Variants in MECOM observed in about 807,000 individuals in gnomAD.
MECOM encodes MDS1 and EVI1 complex locus, also known as histone-lysine N-methyltransferase MECOM.
MECOM carries 13 observed loss-of-function variants against 116.3 expected under a neutral mutation model. That is an observed-to-expected ratio of 0.11 (90% CI 0.07 to 0.18). MECOM has a LOEUF of 0.18. Among genes scored for constraint, MECOM ranks in the 10% least tolerant of loss-of-function variants. The pLI is 1.00. For synonymous variants in MECOM, 528 were observed against 535.2 expected (o/e 0.99, Z 0.19); for missense variants, 1,299 against 1,509.0 (o/e 0.86, Z 2.31).
At chr3:169,455,872 C>T (rs941316161) in intron 1 of MECOM, among the ~76,000 whole-genome samples, 19 of 152,106 alleles carry the variant, frequency 1.2e-4, no homozygotes, top group Non-Finnish European at 2.4e-4. Flanking sequence ...ATTGGTTTGA[C>T]GTGGCTGCTG....
intron 2 of MECOM, among the ~76,000 whole-genome samples, chr3:169,164,746 TA>T (rs148630776): frequency 0.07 from 10,696 of 152,256 alleles, 474 homozygotes; most frequent in South Asian, 0.19. Flanking sequence ...ATTATGTCAT[TA>T]AACCATAATT....
At chr3:169,094,534 T>C (rs773216579) in intron 13 of MECOM, among the ~76,000 whole-genome samples, 9 of 152,230 alleles carry the variant, frequency 5.9e-5, no homozygotes, top group Non-Finnish European at 1.3e-4. Flanking sequence ...ATATAAGAAT[T>C]TGTGACAAAA....
chr3:169,584,485 A>T (rs1014851876), intron 1 of MECOM, among the ~76,000 whole-genome samples: 1 of 151,574 alleles, frequency 6.6e-6, no homozygotes, highest in Non-Finnish European at 1.5e-5. Context: ...GAATGGCGTG[A>T]ACCCAAGAGG....
At chr3:169,209,824 T>C (rs1281957502) in intron 2 of MECOM, among the ~76,000 whole-genome samples, 2 of 152,108 alleles carry the variant, frequency 1.3e-5, no homozygotes, top group African/African-American at 2.4e-5. Context: ...GAACCAGAAA[T>C]AGCATTTGAC....
At chr3:169,139,265 C>T (rs983583451) in intron 3 of MECOM, among the ~76,000 whole-genome samples, 1 of 152,062 alleles carries the variant, frequency 6.6e-6, no homozygotes, top group African/African-American at 2.4e-5. Context: ...TTTCTACTTA[C>T]TAAATACCAG....
intron 1 of MECOM, among the ~76,000 whole-genome samples, chr3:169,531,309 A>C (rs1758595364): frequency 6.6e-6 from 1 of 152,178 alleles, no homozygotes; most frequent in South Asian, 2.1e-4. Flanking sequence ...CTCTAGCATA[A>C]ACAAACCAAT....
intron 2 of MECOM, among the ~76,000 whole-genome samples, chr3:169,328,886 A>G (rs1428460168): frequency 1.3e-5 from 2 of 152,174 alleles, no homozygotes; most frequent in Admixed American, 6.5e-5. Context: ...ACATTATCTA[A>G]CCATGTTAAT....
chr3:169,500,410 AC>A (rs1754385539), intron 1 of MECOM, among the ~76,000 whole-genome samples: 1 of 151,986 alleles, frequency 6.6e-6, no homozygotes, highest in South Asian at 2.1e-4. Context: ...CATAGATGAA[AC>A]CTGTGTATGT....
intron 13 of MECOM, 63 bp downstream of exon 13, chr3:169,095,013 T>A: frequency 7.4e-7 from 1 of 1,343,596 alleles, no homozygotes. Context: ...TCACATTATC[T>A]TATTATCTTT....
intron 1 of MECOM, among the ~76,000 whole-genome samples, chr3:169,484,312 A>G (rs1378964061): frequency 1.3e-5 from 2 of 152,220 alleles, no homozygotes; most frequent in Non-Finnish European, 2.9e-5. Context: ...GATAAAGAAG[A>G]GGGCTAAAGA....
chr3:169,560,372 T>C (rs1006216667), intron 1 of MECOM, among the ~76,000 whole-genome samples: 1 of 152,182 alleles, frequency 6.6e-6, no homozygotes, highest in Non-Finnish European at 1.5e-5. Context: ...CTTAGACTTA[T>C]GCTGGACTCC....
At chr3:169,321,045 G>C (rs1288987847) in intron 2 of MECOM, among the ~76,000 whole-genome samples, 1 of 152,144 alleles carries the variant, frequency 6.6e-6, no homozygotes, top group Admixed American at 6.5e-5. Context: ...CTTCAAAGCT[G>C]GTGTGCTTCC....
intron 1 of MECOM, among the ~76,000 whole-genome samples, chr3:169,446,175 G>T (rs1744590925): frequency 6.6e-6 from 1 of 152,106 alleles, no homozygotes; most frequent in African/African-American, 2.4e-5. Flanking sequence ...GATTTGGAGG[G>T]GCCATGGGTG....
intron 1 of MECOM, among the ~76,000 whole-genome samples, chr3:169,455,444 T>C (rs937831936): frequency 9.9e-5 from 15 of 152,204 alleles, no homozygotes; most frequent in Admixed American, 3.3e-4. Flanking sequence ...AGAAAAACTT[T>C]GACAGTTGAA....
At chr3:169,456,136 A>C (rs1560296403) in intron 1 of MECOM, among the ~76,000 whole-genome samples, 1 of 152,154 alleles carries the variant, frequency 6.6e-6, no homozygotes, top group Non-Finnish European at 1.5e-5. Context: ...CATTCTGGGA[A>C]GAAAAAAAAA....
intron 2 of MECOM, among the ~76,000 whole-genome samples, chr3:169,334,952 G>A (rs1222787107): frequency 6.6e-6 from 1 of 152,120 alleles, no homozygotes; most frequent in East Asian, 1.9e-4. Flanking sequence ...CTCAATAGAG[G>A]TAACAGAGAG....
At chr3:169,573,084 G>A (rs1376532413) in intron 1 of MECOM, among the ~76,000 whole-genome samples, 3 of 152,140 alleles carry the variant, frequency 2.0e-5, no homozygotes, top group Non-Finnish European at 2.9e-5. Flanking sequence ...AAAGATCCAC[G>A]CCCCAGGGGC....
At chr3:169,097,466 AG>A (rs1721987305) in intron 12 of MECOM, among the ~76,000 whole-genome samples, 1 of 152,108 alleles carries the variant, frequency 6.6e-6, no homozygotes, top group Non-Finnish European at 1.5e-5. Flanking sequence ...AAGCCTTCCT[AG>A]TTATTGGATG....
chr3:169,602,903 T>C (rs1190855970), intron 1 of MECOM, among the ~76,000 whole-genome samples: 1 of 152,110 alleles, frequency 6.6e-6, no homozygotes, highest in Non-Finnish European at 1.5e-5. Context: ...ATTTTCTCCA[T>C]AGAAATGTTT....
Sources: gnomAD v4.1 joint callset for allele counts (sites outside exome capture counted in the v4.1 genomes callset) on GRCh38, gnomAD v4.1.1 for gene constraint, MANE v1.5 for transcripts, NCBI Gene and HGNC (gene_info 2026-07-23, HGNC 2026-07-21) for gene names.